The following TMPRSS11A variants were observed in gnomAD, a reference collection of about 807,000 sequenced individuals.
TMPRSS11A encodes the protein transmembrane protease serine 11A.
Under a neutral mutation model 58.9 loss-of-function variants are expected in TMPRSS11A, and 53 were observed. The observed-to-expected ratio is 0.90, with a 90% confidence interval of 0.72 to 1.13. The LOEUF is 1.13. TMPRSS11A is among the 50% of genes most tolerant of loss of function. The pLI is 0.00. For missense variants in TMPRSS11A, 493 were observed against 499.3 expected (o/e 0.99, Z 0.12); for synonymous variants, 167 against 169.8 (o/e 0.98, Z 0.13).
Position 67,909,598 on chromosome 4 carries a change from T to C in TMPRSS11A, c.*1744A>G, listed in dbSNP as rs1289738221. ...ATTTATATGCCTATGTATATTTATATATGAAGAAGAAACTTTGTCTTGAAG... is the reference window on the plus strand; with the variant it reads ...ATTTATATGCCTATGTATATTTATACATGAAGAAGAAACTTTGTCTTGAAG... On this transcript the variant is annotated 3_prime_UTR_variant, in exon 10 of 10. Transcript: ENST00000508048. The C allele has an allele frequency of 6.6e-6, 1 of 152,176 alleles. No individual in the cohort carries two copies. Among genetic ancestry groups the C allele is most frequent in the Non-Finnish European group, 1.5e-5 (1 of 67,992 alleles). 9.4% of individuals were successfully genotyped at this position (152,176 alleles called of 1,614,324 possible).
chr4:67,931,946 C>T (rs75592724), intron 4 of TMPRSS11A, 47 bp downstream of exon 4: 18,939 of 1,166,948 alleles, frequency 0.016, 281 homozygotes, highest in Non-Finnish European at 0.016. Flanking sequence ...TCCTTTGTTC[C>T]TTTTCCCTCC....
At chr4:67,954,216 G>T (rs545732618) in intron 1 of TMPRSS11A, among the ~76,000 whole-genome samples, 1 of 152,312 alleles carries the variant, frequency 6.6e-6, no homozygotes. Flanking sequence ...ACAGAAAAAG[G>T]GAAAAATTAA....
chr4:67,940,837 TC>T lies in TMPRSS11A; in HGVS notation c.252+3681del, dbSNP rs1473548054. On this transcript the variant is annotated intron_variant, in intron 3 of 9. Coordinates refer to ENST00000508048, the MANE Select transcript of TMPRSS11A (RefSeq NM_001114387.2). Reference sequence around the variant, plus strand: ...GCTCAATTGCACATAGTTATGTTTCTCCTTTCATAAGTATTTGTGACTTCCC... The same window carrying T: ...GCTCAATTGCACATAGTTATGTTTCTCTTTCATAAGTATTTGTGACTTCCC... Among the ~76,000 whole-genome samples the T allele has an allele frequency of 2.0e-5, 3 of 152,234 alleles. No homozygotes were observed. The East Asian group carries it at 5.8e-4, about 29-fold the overall frequency.
intron 1 of TMPRSS11A, among the ~76,000 whole-genome samples, chr4:67,958,501 T>A (rs1160191454): frequency 6.6e-6 from 1 of 152,260 alleles, no homozygotes; most frequent in Non-Finnish European, 1.5e-5. Flanking sequence ...TTTGGCCCCT[T>A]CATTTTGGCC....
chr4:67,943,001 AG>A (rs1220476759), intron 3 of TMPRSS11A, among the ~76,000 whole-genome samples: 1 of 151,552 alleles, frequency 6.6e-6, no homozygotes, highest in Non-Finnish European at 1.5e-5. Flanking sequence ...TACAAACAAA[AG>A]AATACCACAT....
At chr4:67,950,816 T>C (rs1461131530) in intron 1 of TMPRSS11A, among the ~76,000 whole-genome samples, 2 of 152,236 alleles carry the variant, frequency 1.3e-5, no homozygotes, top group East Asian at 3.8e-4. Flanking sequence ...GAAGTAGTAA[T>C]TTTGGAAATA....
At chr4:67,955,402 C>CAA (rs1337474390) in intron 1 of TMPRSS11A, among the ~76,000 whole-genome samples, 5 of 152,176 alleles carry the variant, frequency 3.3e-5, no homozygotes, top group Non-Finnish European at 5.9e-5. Context: ...TGTTTTGGCA[C>CAA]TAGGTACAGT....
intron 6 of TMPRSS11A, among the ~76,000 whole-genome samples, chr4:67,923,243 G>A (rs1720379643): frequency 6.6e-6 from 1 of 152,152 alleles, no homozygotes. Context: ...TAATTTTAGA[G>A]CAGGGATCAT....
At chr4:67,932,948 C>T (rs1269549052) in intron 3 of TMPRSS11A, among the ~76,000 whole-genome samples, 1 of 152,068 alleles carries the variant, frequency 6.6e-6, no homozygotes, top group Non-Finnish European at 1.5e-5. Flanking sequence ...ACCTGGCATT[C>T]GGCTTGCAGT....
intron 4 of TMPRSS11A, among the ~76,000 whole-genome samples, chr4:67,931,217 G>C (rs532298282): frequency 6.6e-6 from 1 of 152,002 alleles, no homozygotes; most frequent in Admixed American, 6.6e-5. Context: ...AAATCCTTAC[G>C]GAAGTCACTA....
At chr4:67,912,879 T>A (rs1418948287) in intron 9 of TMPRSS11A, among the ~76,000 whole-genome samples, 2 of 152,158 alleles carry the variant, frequency 1.3e-5, no homozygotes, top group African/African-American at 4.8e-5. Context: ...TTATTTTTTT[T>A]TATATTGTAC....
intron 3 of TMPRSS11A, among the ~76,000 whole-genome samples, chr4:67,941,957 A>G (rs1720891829): frequency 6.6e-6 from 1 of 152,220 alleles, no homozygotes; most frequent in Non-Finnish European, 1.5e-5. Flanking sequence ...GGATAAGCGC[A>G]GTGTCCACAA....
At position 67,924,198 on chromosome 4, in the gene TMPRSS11A, T is replaced by C. The variant is rs201795879; in HGVS notation, c.482-32A>G. 5 of 1,601,848 alleles carry C rather than the reference T, an allele frequency of 3.1e-6. No homozygotes were observed. In the South Asian group the frequency reaches 5.5e-5, roughly 18 times the overall value. ...AAGAAGATAAAACAAATAGTGATAA[T>C]TTGATATTTTCCTGGTTGGTCTCAA... On this transcript the variant is annotated intron_variant, in intron 5 of 9. Coordinates refer to ENST00000508048, the MANE Select transcript of TMPRSS11A (RefSeq NM_001114387.2).
chr4:67,927,457 G>T (rs1163603536), intron 5 of TMPRSS11A, among the ~76,000 whole-genome samples: 2 of 152,246 alleles, frequency 1.3e-5, no homozygotes, highest in African/African-American at 4.8e-5. Context: ...GCCTGGAGCT[G>T]CCCGTCATGC....
intron 1 of TMPRSS11A, among the ~76,000 whole-genome samples, chr4:67,948,500 A>G (rs2319691): frequency 0.66 from 100,495 of 152,116 alleles, 37,052 homozygotes; most frequent in Non-Finnish European, 0.83. Flanking sequence ...TAAAAGTTAA[A>G]ACTGTTTGGA....
chr4:67,914,194 C>T (rs939040374), intron 9 of TMPRSS11A, among the ~76,000 whole-genome samples: 4 of 152,256 alleles, frequency 2.6e-5, no homozygotes, highest in East Asian at 1.9e-4. Context: ...GCCTTATTTA[C>T]GTCTCATCTC....
chr4:67,924,130 G>A lies in TMPRSS11A; in HGVS notation c.518C>T (p.Ala173Val), dbSNP rs767578490. 1 of 1,612,820 alleles carries A rather than the reference G, an allele frequency of 6.2e-7. No individual in the cohort carries two copies. Reference sequence around the variant, plus strand: ...TTATATAAGCTAACTTGACTTACTTGCTTGGACAGTTAACTCCCCTGTTGA... The same window carrying A: ...TTATATAAGCTAACTTGACTTACTTACTTGGACAGTTAACTCCCCTGTTGA... The part of the protein sequence containing the change: ...SSSTGELTVQ[A>V]SCGKRVVPLN... Residue 173 changes from alanine (A) to valine (V), a missense_variant and splice_region_variant, in exon 6 of 10, where the codon GCA becomes GTA. Physicochemically the swap from Ala to Val is moderately conservative, Grantham distance 64. Transcript: ENST00000508048.
At chr4:67,937,205 C>T (rs1464545469) in intron 3 of TMPRSS11A, among the ~76,000 whole-genome samples, 1 of 152,068 alleles carries the variant, frequency 6.6e-6, no homozygotes, top group Non-Finnish European at 1.5e-5. Flanking sequence ...TCAAAAACTT[C>T]CCTCAAAAAG....
chr4:67,958,103 G>A (rs765739125), intron 1 of TMPRSS11A, among the ~76,000 whole-genome samples: 4 of 152,144 alleles, frequency 2.6e-5, no homozygotes, highest in Non-Finnish European at 5.9e-5. Context: ...AAGAAGTTTG[G>A]TACAAGAGCA....
Sources: allele counts gnomAD v4.1 joint callset (sites outside exome capture counted in the v4.1 genomes callset), GRCh38; gene constraint gnomAD v4.1.1; transcripts MANE v1.5; gene names NCBI Gene and HGNC (gene_info 2026-07-23, HGNC 2026-07-21).